GRID1: variants seen among roughly 807,000 people sequenced by gnomAD.
The protein encoded by GRID1 is glutamate receptor ionotropic, delta-1.
A neutral mutation model predicts 98.0 loss-of-function variants in GRID1; 28 were observed. The observed-to-expected ratio is 0.29, with a 90% CI of 0.21 to 0.39. The LOEUF (loss-of-function observed/expected upper bound fraction) is 0.39. GRID1 is among the 10% of genes least tolerant of loss of function. The probability of loss-of-function intolerance (pLI) is 1.00; values close to 1 mark genes in which losing one functional copy is unlikely to be tolerated. For synonymous variants in GRID1, 553 were observed against 538.5 expected, an observed-to-expected ratio of 1.03 and a Z score of -0.37; for missense variants, 1,111 against 1,340.5, an observed-to-expected ratio of 0.83 and a Z score of 2.67.
At position 86,281,555 on chromosome 10, in the gene GRID1, A is replaced by G. The variant is rs1158866426; in HGVS notation, c.236-74907T>C. Among the ~76,000 whole-genome samples the G allele has an allele frequency of 4.6e-5, 7 of 152,204 alleles. No individual in the cohort carries two copies. In the East Asian group the frequency reaches 1.4e-3, roughly 29 times the overall value. On this transcript the variant is annotated intron_variant, in intron 2 of 15. Transcript: ENST00000327946. ...CATCTGAAAATCAGCATGGGGAACTATGGCCAAAAGCAACTTTGTTGTTCA... is the reference window on the plus strand; with the variant it reads ...CATCTGAAAATCAGCATGGGGAACTGTGGCCAAAAGCAACTTTGTTGTTCA...
At chr10:86,208,833 AG>A (rs1564706962) in intron 2 of GRID1, among the ~76,000 whole-genome samples, 1 of 152,224 alleles carries the variant, frequency 6.6e-6, no homozygotes, top group Admixed American at 6.5e-5. Flanking sequence ...CCATGGCCCC[AG>A]TCAATAATTC....
chr10:86,183,009 T>G (rs2132002659), intron 3 of GRID1, among the ~76,000 whole-genome samples: 1 of 152,348 alleles, frequency 6.6e-6, no homozygotes, highest in East Asian at 1.9e-4. Flanking sequence ...ATAAACTGCA[T>G]GTATTAAAAT....
At chr10:85,858,099 T>A (rs1036657151) in intron 6 of GRID1, among the ~76,000 whole-genome samples, 2 of 152,234 alleles carry the variant, frequency 1.3e-5, no homozygotes, top group African/African-American at 4.8e-5. Context: ...GCCTCCCCTG[T>A]AGGTATCCTT....
rs565754065 is a variant in GRID1 at position 86,192,855 on chromosome 10, A to G, written c.520+13509T>C. The stretch of plus-strand genomic sequence containing the variant: ...GGGGTCTCCAGCAACAAAATCCTTA[A>G]AGGCCCCACAGTGAGGATGCAGCCT... On this transcript the variant is annotated intron_variant, in intron 3 of 15. Transcript: ENST00000327946. The surrounding 1 kb of genome is among the most constrained non-coding windows in gnomAD (Gnocchi z 4.8). 6.6e-6 allele frequency among the ~76,000 whole-genome samples: 1 copy of G among 152,034 alleles called. No individual in the cohort carries two copies. The highest frequency in any genetic ancestry group is 6.5e-5 in the Admixed American group (1 of 15,278).
chr10:85,747,693 T>C (rs1842010272), intron 8 of GRID1, among the ~76,000 whole-genome samples: 1 of 152,182 alleles, frequency 6.6e-6, no homozygotes. Flanking sequence ...GATTAGTCTA[T>C]GTAACCTGGG....
intron 4 of GRID1, among the ~76,000 whole-genome samples, chr10:85,974,757 G>T (rs925157850): frequency 1.3e-5 from 2 of 152,190 alleles, no homozygotes; most frequent in Non-Finnish European, 2.9e-5. Context: ...TTCCCAAGTA[G>T]CTGGGACCAC....
rs113745007 is a variant in GRID1 at position 85,840,821 on chromosome 10, T to G, written c.1233+13675A>C. On this transcript the variant is annotated intron_variant, in intron 8 of 15. Coordinates refer to ENST00000327946, the MANE Select transcript of GRID1 (RefSeq NM_017551.3). Reference sequence around the variant, plus strand: ...TCTACAAAGAGAACTACAAAACACTTCTCACAGAAATCAGAGATGACATTA... The same window carrying G: ...TCTACAAAGAGAACTACAAAACACTGCTCACAGAAATCAGAGATGACATTA... 5.7e-3 allele frequency among the ~76,000 whole-genome samples: 871 copies of G among 152,086 alleles called. 8 individuals carry two copies. Among genetic ancestry groups the G allele is most frequent in the African/African-American group, 0.02 (819 of 41,524 alleles).
chr10:86,042,326 C>T (rs186347493), intron 4 of GRID1, among the ~76,000 whole-genome samples: 321 of 152,348 alleles, frequency 2.1e-3, no homozygotes, highest in Non-Finnish European at 3.4e-3. Flanking sequence ...ACTCCAGGCT[C>T]ACAGCCCAAG....
rs996435856 is a variant in GRID1, at chr10:86,250,757, G to C, written c.236-44109C>G. Among the ~76,000 whole-genome samples the C allele has an allele frequency of 1.8e-4, 27 of 151,832 alleles. 1 individual carries two copies. Among genetic ancestry groups the C allele is most frequent in the African/African-American group, 5.6e-4 (23 of 41,406 alleles). On this transcript the variant is annotated intron_variant, in intron 2 of 15. Transcript: ENST00000327946. ...CGCCTCTGCCCAGCCACCCGGTCTG[G>C]GAAGTGGGGAGCCCCTCTGCCCGGC...
At chr10:86,226,791 C>T (rs1342089399) in intron 2 of GRID1, among the ~76,000 whole-genome samples, 1 of 151,100 alleles carries the variant, frequency 6.6e-6, no homozygotes, top group Admixed American at 6.6e-5. Flanking sequence ...GCCAGGCCTC[C>T]CCTCACCCGC....
Position 85,765,164 on chromosome 10 carries a change from G to A in GRID1, c.1234-35550C>T, listed in dbSNP as rs567931558. Among the ~76,000 whole-genome samples, 4 of 152,284 alleles carry A rather than the reference G, an allele frequency of 2.6e-5. No homozygotes were observed. The East Asian group carries it at 5.8e-4, about 22-fold the overall frequency. ...GCAGATGAAACTGAGGCTCATAGAA[G>A]TTGAATAACTAGTCCATGGTCACAC... On this transcript the variant is annotated intron_variant, in intron 8 of 15. Transcript: ENST00000327946.
intron 2 of GRID1, among the ~76,000 whole-genome samples, chr10:86,303,803 G>C (rs1368146545): frequency 6.6e-6 from 1 of 152,200 alleles, no homozygotes; most frequent in Non-Finnish European, 1.5e-5. Flanking sequence ...GATGTCAGCA[G>C]GAGACGCCAG....
At chr10:86,018,106 G>A (rs757596927) in intron 4 of GRID1, among the ~76,000 whole-genome samples, 2 of 152,218 alleles carry the variant, frequency 1.3e-5, no homozygotes, top group Non-Finnish European at 2.9e-5. Context: ...AAAAGAGAAC[G>A]ATATGGAGCA....
intron 8 of GRID1, among the ~76,000 whole-genome samples, chr10:85,851,094 T>C (rs1009134391): frequency 2.0e-5 from 3 of 152,150 alleles, no homozygotes; most frequent in Admixed American, 1.3e-4. Context: ...AATCCTCTTT[T>C]GGAGATTCCT....
chr10:85,726,830 C>T (rs577458716), intron 10 of GRID1, among the ~76,000 whole-genome samples: 28 of 152,118 alleles, frequency 1.8e-4, no homozygotes, highest in Non-Finnish European at 4.0e-4. Context: ...ATTCTAAAAC[C>T]AGATTATAAT....
Position 85,758,581 on chromosome 10 carries a change from C to T in GRID1, c.1234-28967G>A, listed in dbSNP as rs114539213. On this transcript the variant is annotated intron_variant, in intron 8 of 15. Transcript: ENST00000327946. ...GGGCAAAGTGCAGACTGCCAGGGATCATAAGCACTGTCTCATAGTGTCTCA... is the reference window on the plus strand; with the variant it reads ...GGGCAAAGTGCAGACTGCCAGGGATTATAAGCACTGTCTCATAGTGTCTCA... 2.3e-3 allele frequency among the ~76,000 whole-genome samples: 344 copies of T among 152,302 alleles called. 1 individual carries two copies. The highest frequency in any genetic ancestry group is 8.0e-3 in the African/African-American group (333 of 41,564).
At chr10:86,123,586 G>T (rs1564681982) in intron 4 of GRID1, among the ~76,000 whole-genome samples, 1 of 152,214 alleles carries the variant, frequency 6.6e-6, no homozygotes. Flanking sequence ...CCCTGCACTG[G>T]GCTTGGTAGC....
chr10:85,884,043 T>C (rs1321726098), intron 5 of GRID1, among the ~76,000 whole-genome samples: 1 of 152,086 alleles, frequency 6.6e-6, no homozygotes, highest in African/African-American at 2.4e-5. Flanking sequence ...AATCTCAGGG[T>C]TTTCACAGTT....
chr10:86,283,183 C>T (rs117468573), intron 2 of GRID1, among the ~76,000 whole-genome samples: 3,067 of 152,296 alleles, frequency 0.02, 56 homozygotes, highest in Middle Eastern at 0.031. Flanking sequence ...TGCTTTGGCA[C>T]CATCTCCTCC....
Sources: allele counts gnomAD v4.1 joint callset (sites outside exome capture counted in the v4.1 genomes callset), GRCh38; gene constraint gnomAD v4.1.1; non-coding constraint Gnocchi (gnomAD v3.1); transcripts MANE v1.5; gene names NCBI Gene and HGNC (gene_info 2026-07-23, HGNC 2026-07-21).